Variants in LINGO2 observed in about 807,000 individuals in gnomAD.
The protein encoded by LINGO2 is leucine rich repeat and Ig domain containing 2.
LINGO2 carries 14 observed loss-of-function variants against 30.6 expected under a neutral mutation model. The ratio of observed to expected loss-of-function variants is 0.46; its 90% CI spans 0.30 to 0.72. The LOEUF is 0.72. LINGO2 is among the 30% of genes least tolerant of loss of function. The pLI is 0.07. For synonymous variants in LINGO2, 317 were observed against 288.5 expected, an observed-to-expected ratio of 1.10 and a Z score of -1.00; for missense variants, 729 against 751.7, an observed-to-expected ratio of 0.97 and a Z score of 0.35.
chr9:28,861,595 A>G, the LINGO2 span, among the ~76,000 whole-genome samples: 3 of 151,246 alleles, frequency 2.0e-5, no homozygotes, highest in African/African-American at 7.3e-5. Flanking sequence ...AATAAAATAA[A>G]ATAAAACAAA....
chr9:28,904,944 C>A, the LINGO2 span, among the ~76,000 whole-genome samples: 1 of 151,952 alleles, frequency 6.6e-6, no homozygotes, highest in African/African-American at 2.4e-5. Context: ...ACCAAGGAAA[C>A]ACAACAGAGA....
At chr9:27,970,995 T>C (rs2118754555) in intron 5 of LINGO2, among the ~76,000 whole-genome samples, 1 of 151,598 alleles carries the variant, frequency 6.6e-6, no homozygotes, top group East Asian at 1.9e-4. Flanking sequence ...TCTACATCTT[T>C]CTATTTGTTT....
the LINGO2 span, among the ~76,000 whole-genome samples, chr9:29,074,715 T>C: frequency 2.9e-5 from 4 of 136,914 alleles, no homozygotes; most frequent in African/African-American, 1.1e-4. Flanking sequence ...AGACAGAGTC[T>C]CGCTCTCTCG....
At chr9:29,060,053 G>A in the LINGO2 span, among the ~76,000 whole-genome samples, 1 of 152,168 alleles carries the variant, frequency 6.6e-6, no homozygotes, top group East Asian at 1.9e-4. Flanking sequence ...ATATTGTGGA[G>A]AGGAATCTAA....
chr9:28,696,450 T>C, the LINGO2 span, among the ~76,000 whole-genome samples: 1 of 151,918 alleles, frequency 6.6e-6, no homozygotes, highest in Non-Finnish European at 1.5e-5. Context: ...AACCTACAGT[T>C]AACTTCTTAA....
the LINGO2 span, among the ~76,000 whole-genome samples, chr9:28,856,831 G>A: frequency 6.6e-6 from 1 of 151,964 alleles, no homozygotes; most frequent in Non-Finnish European, 1.5e-5. Context: ...AATCCAGGAG[G>A]AAATGATATT....
intron 4 of LINGO2, among the ~76,000 whole-genome samples, chr9:28,138,976 G>A (rs1028242375): frequency 3.9e-5 from 6 of 152,186 alleles, no homozygotes; most frequent in African/African-American, 1.2e-4. Context: ...GTTTCACTAA[G>A]AGTTTCTCCC....
chr9:29,060,280 A>G, the LINGO2 span, among the ~76,000 whole-genome samples: 4 of 151,998 alleles, frequency 2.6e-5, no homozygotes, highest in Admixed American at 2.6e-4. Flanking sequence ...TCCAAAAAAG[A>G]AAAAAGCTAA....
At chr9:29,032,112 G>A in the LINGO2 span, among the ~76,000 whole-genome samples, 1,337 of 152,176 alleles carry the variant, frequency 8.8e-3, 14 homozygotes, top group African/African-American at 0.03. Flanking sequence ...AACTTCATAC[G>A]TTTTAAATTT....
At chr9:28,873,415 T>A in the LINGO2 span, among the ~76,000 whole-genome samples, 2 of 151,716 alleles carry the variant, frequency 1.3e-5, no homozygotes, top group African/African-American at 2.4e-5. Flanking sequence ...AGAAACTATT[T>A]CTTCTAATTC....
intron 3 of LINGO2, among the ~76,000 whole-genome samples, chr9:28,302,690 C>G (rs544120263): frequency 3.0e-4 from 46 of 152,178 alleles, no homozygotes; most frequent in African/African-American, 1.0e-3. Flanking sequence ...TATTATAACC[C>G]CTTTCAGCAG....
At chr9:28,782,750 C>T in the LINGO2 span, among the ~76,000 whole-genome samples, 1 of 152,148 alleles carries the variant, frequency 6.6e-6, no homozygotes, top group Admixed American at 6.6e-5. Context: ...TAACAATAGT[C>T]CATTCTTCTG....
At chr9:28,721,011 G>C in the LINGO2 span, among the ~76,000 whole-genome samples, 7 of 151,956 alleles carry the variant, frequency 4.6e-5, no homozygotes, top group East Asian at 1.2e-3. Context: ...TGTTAAGATG[G>C]ATGAAGAGAC....
At chr9:28,684,175 C>CTTTTTTTTTTT in the LINGO2 span, among the ~76,000 whole-genome samples, 45 of 45,438 alleles carry the variant, frequency 9.9e-4, 6 homozygotes, top group East Asian at 2.6e-3. Context: ...AAATGTTTAT[C>CTTTTTTTTTTT]TTTTTTTTTT....
chr9:28,766,809 GGAGA>G, the LINGO2 span, among the ~76,000 whole-genome samples: 10 of 21,330 alleles, frequency 4.7e-4, no homozygotes, highest in African/African-American at 2.3e-3. Context: ...AGAGAGGGAA[GGAGA>G]GAGAGAGAGA....
chr9:28,332,247 C>A (rs773417236), intron 3 of LINGO2, among the ~76,000 whole-genome samples: 12 of 151,866 alleles, frequency 7.9e-5, no homozygotes, highest in Non-Finnish European at 1.3e-4. Context: ...GATAGTAGGC[C>A]TGGGGCTGTA....
chr9:28,132,193 T>C (rs185743216), intron 4 of LINGO2, among the ~76,000 whole-genome samples: 1 of 152,350 alleles, frequency 6.6e-6, no homozygotes, highest in East Asian at 1.9e-4. Flanking sequence ...TATTATGTTC[T>C]ATGTCGTCTA....
intron 1 of LINGO2, among the ~76,000 whole-genome samples, chr9:28,638,047 T>C (rs1827371226): frequency 6.6e-6 from 1 of 152,196 alleles, no homozygotes; most frequent in African/African-American, 2.4e-5. Flanking sequence ...TTGAATTTTG[T>C]CAAAGGCCTT....
chr9:29,165,312 A>G, the LINGO2 span, among the ~76,000 whole-genome samples: 23 of 152,278 alleles, frequency 1.5e-4, no homozygotes, highest in East Asian at 4.4e-3. Context: ...TGTTCTAAAC[A>G]TTGAGAATAA....
Sources: gnomAD v4.1 joint callset for allele counts (sites outside exome capture counted in the v4.1 genomes callset) on GRCh38, gnomAD v4.1.1 for gene constraint, MANE v1.5 for transcripts, NCBI Gene and HGNC (gene_info 2026-07-23, HGNC 2026-07-21) for gene names.